Variants in MILR1 observed in about 807,000 individuals in gnomAD.
The protein encoded by MILR1 is mast cell immunoglobulin like receptor 1.
A neutral mutation model predicts 18.5 loss-of-function variants in MILR1; 31 were observed. The observed-to-expected ratio is 1.68, with a 90% CI of 1.26 to 2.26. MILR1 has a LOEUF of 2.26. Ranked by LOEUF, MILR1 falls within the 30% of genes most tolerant of loss-of-function variation. The pLI, the probability that MILR1 is intolerant of heterozygous loss-of-function variation, is 0.00. For missense variants in MILR1, 257 were observed against 157.4 expected (o/e 1.63, Z -3.38); for synonymous variants, 85 against 56.2 (o/e 1.51, Z -2.30).
intron 8 of MILR1, among the ~76,000 whole-genome samples, chr17:64,466,965 C>T (rs1241635652): frequency 6.6e-6 from 1 of 151,880 alleles, no homozygotes; most frequent in Non-Finnish European, 1.5e-5. Context: ...CCCTCCCTCC[C>T]TCTCTCTCTT....
chr17:64,466,674 G>T lies in MILR1; in HGVS notation c.979+12G>T, dbSNP rs1555663360. On this transcript the variant is annotated intron_variant, in intron 8 of 9. Transcript: ENST00000619286. The stretch of plus-strand genomic sequence containing the variant: ...ACCAAGAGAGCAAGGTGAGCCACAG[G>T]TTGGGATAAGAGGTACTGGTGAAAT... The T allele has an allele frequency of 1.3e-6, 2 of 1,596,824 alleles. No homozygotes were observed. Among genetic ancestry groups the T allele is most frequent in the South Asian group, 1.1e-5 (1 of 88,462 alleles).
chr17:64,496,295 A>G, the MILR1 span: 108,304 of 713,100 alleles, frequency 0.15, 18,625 homozygotes, highest in African/African-American at 0.7. Flanking sequence ...ATGAGAACTA[A>G]CTAACTTCCT....
In MILR1 at chr17:64,457,502, A is replaced by C. The variant is rs935741578; in HGVS notation, c.470A>C (p.Asn157Thr). Residue 157 changes from asparagine (N) to threonine (T), a missense_variant, in exon 4 of 10, where the codon AAT becomes ACT. Physicochemically the swap from Asn to Thr is moderately conservative, Grantham distance 65. Transcript: ENST00000619286. Reference sequence around the variant, plus strand: ...TCAGTCAATGGCTCGCTGCCCATCAATTACACTTTCTTTGAAAACCATGTT... The same window carrying C: ...TCAGTCAATGGCTCGCTGCCCATCACTTACACTTTCTTTGAAAACCATGTT... ...CLSVNGSLPINYTFFENHVAI... is the reference protein window; with the variant it reads ...CLSVNGSLPITYTFFENHVAI... 5 of 475,280 alleles carry C rather than the reference A, an allele frequency of 1.1e-5. No individual in the cohort carries two copies. Among genetic ancestry groups the C allele is most frequent in the African/African-American group, 9.9e-5 (5 of 50,526 alleles). 29.4% of individuals were successfully genotyped at this position (475,280 alleles called of 1,614,324 possible).
At chr17:64,475,685 C>A in the MILR1 span, among the ~76,000 whole-genome samples, 2 of 150,710 alleles carry the variant, frequency 1.3e-5, no homozygotes, top group East Asian at 3.9e-4. Flanking sequence ...AGTACTCTAG[C>A]CAACAAAGAA....
Position 64,458,112 on chromosome 17 carries a change from TTTCC to T in MILR1, c.652+448_652+451del, listed in dbSNP as rs1216586374. On this transcript the variant is annotated intron_variant, in intron 4 of 9. Coordinates refer to ENST00000619286, the MANE Select transcript of MILR1 (RefSeq NM_001085423.2). ...CATTTGTATGTCTGCCTTTCTTTCT[TTTCC>T]TTCCTTCCTTCCTTCCTTCTTGTAT... Among the ~76,000 whole-genome samples, 62 of 150,960 alleles carry T rather than the reference TTTCC, an allele frequency of 4.1e-4. 1 individual carries two copies. The highest frequency in any genetic ancestry group is 1.1e-3 in the African/African-American group (45 of 40,434).
At chr17:64,479,655 G>A in the MILR1 span, among the ~76,000 whole-genome samples, 2 of 152,170 alleles carry the variant, frequency 1.3e-5, no homozygotes, top group Admixed American at 1.3e-4. Flanking sequence ...ACTAGACACA[G>A]AGAGCTCAAT....
At chr17:64,490,768 AT>A in the MILR1 span, 2 of 1,581,422 alleles carry the variant, frequency 1.3e-6, no homozygotes, top group African/African-American at 2.7e-5. Context: ...TGGGTAAAAA[AT>A]ACATAGGAGC....
rs2037633240 is a variant in MILR1 at position 64,468,523 on chromosome 17, AGAT to A, written c.*246_*248del. ...AGGCTGGTCTTGAACTCCTGACCTCAGATGATCTGCCTGCCTCGGCCTCCCAAA... is the reference window on the plus strand; with the variant it reads ...AGGCTGGTCTTGAACTCCTGACCTCAGATCTGCCTGCCTCGGCCTCCCAAA... On this transcript the variant is annotated 3_prime_UTR_variant, in exon 10 of 10. Coordinates refer to ENST00000619286, the MANE Select transcript of MILR1 (RefSeq NM_001085423.2). 9 of 680,790 alleles carry A rather than the reference AGAT, an allele frequency of 1.3e-5. No individual in the cohort carries two copies. Among genetic ancestry groups the A allele is most frequent in the Admixed American group, 4.2e-5 (1 of 23,592 alleles). The allele number at this position is 680,790 out of a possible 1,614,324, so 42.2% of individuals were successfully genotyped here. A position where few individuals can be genotyped will look rare whatever the true frequency, so the allele number is the denominator to read the frequency against.
At chr17:64,496,880 G>C in the MILR1 span, 1 of 1,613,366 alleles carries the variant, frequency 6.2e-7, no homozygotes, top group African/African-American at 1.3e-5. Flanking sequence ...CAACAGCTCC[G>C]GCTGCCCCGC....
the MILR1 span, among the ~76,000 whole-genome samples, chr17:64,495,339 G>C: frequency 9.2e-5 from 14 of 152,246 alleles, no homozygotes; most frequent in East Asian, 1.5e-3. Flanking sequence ...CAGCACTTTG[G>C]GGGGCCAAGA....
At chr17:64,456,115 A>G (rs1459158240) in intron 3 of MILR1, among the ~76,000 whole-genome samples, 14 of 152,072 alleles carry the variant, frequency 9.2e-5, no homozygotes, top group African/African-American at 3.1e-4. Flanking sequence ...CAACTCGGCC[A>G]TTTACTAGCT....
chr17:64,491,446 G>T, the MILR1 span: 1 of 860,984 alleles, frequency 1.2e-6, no homozygotes, highest in Non-Finnish European at 1.8e-6. Flanking sequence ...AATAAAAGAA[G>T]TTGCAGTGAG....
the MILR1 span, among the ~76,000 whole-genome samples, chr17:64,484,399 CA>C: frequency 6.6e-6 from 1 of 152,240 alleles, no homozygotes; most frequent in African/African-American, 2.4e-5. Context: ...CTAGAAATAG[CA>C]AGGTCAGTGC....
the MILR1 span, chr17:64,491,842 T>G: frequency 5.0e-6 from 2 of 396,232 alleles, no homozygotes; most frequent in Admixed American, 4.0e-5. Flanking sequence ...AACCCCTCCA[T>G]AAGCAACACA....
the MILR1 span, chr17:64,491,527 A>G: frequency 4.6e-6 from 7 of 1,533,298 alleles, no homozygotes; most frequent in Admixed American, 1.2e-4. Flanking sequence ...ACCAAGATGG[A>G]GTCAGTTGTA....
chr17:64,474,573 CTA>C, the MILR1 span, among the ~76,000 whole-genome samples: 2 of 151,926 alleles, frequency 1.3e-5, no homozygotes, highest in South Asian at 4.1e-4. Context: ...GAGATGTGGT[CTA>C]TGTTGCCTAG....
chr17:64,472,465 CAAAAAAAAAAA>C (rs71158332), downstream of MILR1, among the ~76,000 whole-genome samples: 178 of 13,892 alleles, frequency 0.013, 1 homozygote, highest in African/African-American at 0.027. Flanking sequence ...GACTCCATCT[CAAAAAAAAAAA>C]AAAAAAAAAA....
chr17:64,472,011 C>G (rs1409646488), downstream of MILR1, among the ~76,000 whole-genome samples: 1 of 152,098 alleles, frequency 6.6e-6, no homozygotes, highest in Non-Finnish European at 1.5e-5. Flanking sequence ...GATGTAGTCA[C>G]AGAAGAGCTA....
the MILR1 span, chr17:64,497,090 G>C: frequency 7.1e-5 from 75 of 1,052,896 alleles, no homozygotes; most frequent in Admixed American, 1.9e-4. Context: ...GCGTGCTTGC[G>C]GGCGGCAGGC....
Sources: gnomAD v4.1 joint callset for allele counts (sites outside exome capture counted in the v4.1 genomes callset) on GRCh38, gnomAD v4.1.1 for gene constraint, MANE v1.5 for transcripts, NCBI Gene and HGNC (gene_info 2026-07-23, HGNC 2026-07-21) for gene names.